Variants in GNA11 observed in about 807,000 individuals in gnomAD.
The protein encoded by GNA11 is guanine nucleotide-binding protein subunit alpha-11.
GNA11 carries 8 observed loss-of-function variants against 38.2 expected under a neutral mutation model. That is an observed-to-expected ratio of 0.21 (90% confidence interval 0.12 to 0.38). The LOEUF is 0.38. GNA11 is among the 10% of genes least tolerant of loss of function. GNA11 has a pLI of 1.00. For missense variants in GNA11, 268 were observed against 516.3 expected (o/e 0.52, Z 4.66); for synonymous variants, 211 against 221.4 (o/e 0.95, Z 0.42).
chr19:3,113,588 C>G, intron 3 of GNA11, 104 bp downstream of exon 3: 1 of 867,150 alleles, frequency 1.2e-6, no homozygotes, highest in Non-Finnish European at 1.7e-6. Context: ...CCCCTGCCTG[C>G]TCGCCGGGGG....
rs1914054038 is a variant in GNA11 at position 3,120,847 on chromosome 19, CG to C, written c.890-141del. 4.9e-6 allele frequency: 3 copies of C among 608,852 alleles called. No individual in the cohort carries two copies. The Admixed American group carries it at 8.8e-5, about 18-fold the overall frequency. The allele number at this position is 608,852 out of a possible 1,614,324, so 37.7% of individuals were successfully genotyped here. On this transcript the variant is annotated intron_variant, in intron 6 of 6. Coordinates refer to ENST00000078429, the MANE Select transcript of GNA11 (RefSeq NM_002067.5). This position sits in a 1 kb window ranked among gnomAD's most constrained non-coding sequence, Gnocchi z 5.9. Reference sequence around the variant, plus strand: ...CTGGGGAGGGAGGGGAGCTGCGGCCCGTCAGGCATGCAGTGGGCTGGGGGTC... The same window carrying C: ...CTGGGGAGGGAGGGGAGCTGCGGCCCTCAGGCATGCAGTGGGCTGGGGGTC...
intron 3 of GNA11, among the ~76,000 whole-genome samples, chr19:3,114,541 A>T (rs1178692017): frequency 6.6e-6 from 1 of 151,884 alleles, no homozygotes; most frequent in South Asian, 2.1e-4. Flanking sequence ...TCTCCTAATG[A>T]TGCGCTTGTT....
chr19:3,103,774 G>A (rs1277921058), intron 1 of GNA11, among the ~76,000 whole-genome samples: 1 of 151,186 alleles, frequency 6.6e-6, no homozygotes, highest in Non-Finnish European at 1.5e-5. Context: ...CACGATCTCA[G>A]CTCACCACAA....
intron 1 of GNA11, among the ~76,000 whole-genome samples, chr19:3,100,679 T>A (rs1913480759): frequency 6.6e-6 from 1 of 152,114 alleles, no homozygotes; most frequent in South Asian, 2.1e-4. Context: ...AGCTTCTTTC[T>A]GAGTCCTGCC....
rs1914018728 is a variant in GNA11, at chr19:3,119,690, G to C, written c.889+331G>C. On this transcript the variant is annotated intron_variant, in intron 6 of 6. Coordinates refer to ENST00000078429, the MANE Select transcript of GNA11 (RefSeq NM_002067.5). This position sits in a 1 kb window ranked among gnomAD's most constrained non-coding sequence, Gnocchi z 4.6. ...CTTGTACAAGGAGGGCACCATGGGA[G>C]GGGGAGTCTTGTATTGGTGGGTCTT... Among the ~76,000 whole-genome samples, 1 of 151,718 alleles carries C rather than the reference G, an allele frequency of 6.6e-6. No homozygotes were observed. The highest frequency in any genetic ancestry group is 2.4e-5 in the African/African-American group (1 of 41,256).
At position 3,119,733 on chromosome 19, in the gene GNA11, C is replaced by T. The variant is rs906812869; in HGVS notation, c.889+374C>T. 1.3e-5 allele frequency among the ~76,000 whole-genome samples: 2 copies of T among 151,020 alleles called. No homozygotes were observed. The highest frequency in any genetic ancestry group is 2.4e-5 in the African/African-American group (1 of 40,996). Reference sequence around the variant, plus strand: ...TGGGTCTTGTACGGGAGGGAGTTGTCGTATGGGGGTGTCCTGTATAGGTGA... The same window carrying T: ...TGGGTCTTGTACGGGAGGGAGTTGTTGTATGGGGGTGTCCTGTATAGGTGA... On this transcript the variant is annotated intron_variant, in intron 6 of 6. Transcript: ENST00000078429. The surrounding 1 kb of genome is among the most constrained non-coding windows in gnomAD (Gnocchi z 4.6).
chr19:3,096,515 G>C (rs569437654), intron 1 of GNA11, among the ~76,000 whole-genome samples: 2 of 152,192 alleles, frequency 1.3e-5, no homozygotes, highest in Non-Finnish European at 2.9e-5. Flanking sequence ...GCATGCACCC[G>C]GTCTTCTGTG....
At chr19:3,109,598 C>G (rs946809038) in intron 1 of GNA11, among the ~76,000 whole-genome samples, 8 of 152,228 alleles carry the variant, frequency 5.3e-5, no homozygotes, top group Non-Finnish European at 1.2e-4. Context: ...GAGGGGAGAG[C>G]CTCGTGGGTG....
chr19:3,115,260 C>T, intron 4 of GNA11, 188 bp downstream of exon 4: 2 of 579,238 alleles, frequency 3.5e-6, no homozygotes, highest in Middle Eastern at 4.8e-4. Context: ...TAAAAATTAG[C>T]TGGGCGTGGT....
chr19:3,113,297 A>G, intron 2 of GNA11, 33 bp from the exon 3 acceptor site: 1 of 1,604,946 alleles, frequency 6.2e-7, no homozygotes, highest in Non-Finnish European at 8.5e-7. Context: ...GGCCCCAGCG[A>G]GCTCTCGACG....
rs764855950 is a variant in GNA11, at chr19:3,115,083, G to T, written c.605+11G>T. 6.2e-7 allele frequency: 1 copy of T among 1,611,180 alleles called. No individual in the cohort carries two copies. Among genetic ancestry groups the T allele is most frequent in the Non-Finnish European group, 8.5e-7 (1 of 1,178,538 alleles). ...GAACATCATCTTCCGGTACCGCCCGGGCCACAGCAGGCGGGGAGGGGGCAC... is the reference window on the plus strand; with the variant it reads ...GAACATCATCTTCCGGTACCGCCCGTGCCACAGCAGGCGGGGAGGGGGCAC... On this transcript the variant is annotated intron_variant, in intron 4 of 6. Transcript: ENST00000078429.
rs308040 is a variant in GNA11, at chr19:3,121,910, C to G, written c.*731C>G. On this transcript the variant is annotated 3_prime_UTR_variant, in exon 7 of 7. Coordinates refer to ENST00000078429, the MANE Select transcript of GNA11 (RefSeq NM_002067.5). ...GTTGAAGAAACACCCTGGGCCCTCT[C>G]TCATGGCCGGGTTCCCCGTCCCTCT... 0.42 allele frequency: 96,822 copies of G among 232,546 alleles called. 21,526 individuals are homozygous for G. The highest frequency in any genetic ancestry group is 0.49 in the Non-Finnish European group (57,706 of 117,626). 14.4% of individuals were successfully genotyped at this position (232,546 alleles called of 1,614,324 possible). A position where few individuals can be genotyped will look rare whatever the true frequency, so the allele number is the denominator to read the frequency against.
intron 1 of GNA11, among the ~76,000 whole-genome samples, chr19:3,101,373 G>T (rs1472397921): frequency 6.6e-6 from 1 of 151,746 alleles, no homozygotes; most frequent in East Asian, 1.9e-4. Context: ...GGCTGTGGTG[G>T]GGCTGGGTCC....
rs759819107 is a variant in GNA11 at position 3,119,396 on chromosome 19, C to A, written c.889+37C>A. 3 of 1,593,798 alleles carry A rather than the reference C, an allele frequency of 1.9e-6. No homozygotes were observed. Among genetic ancestry groups the A allele is most frequent in the Non-Finnish European group, 1.7e-6 (2 of 1,167,364 alleles). ...TGCGGCATGGGGAGGGGCTCGCGGG[C>A]AGGGCCTTACTGGGGGGAGGGGGCT... On this transcript the variant is annotated intron_variant, in intron 6 of 6. Coordinates refer to ENST00000078429, the MANE Select transcript of GNA11 (RefSeq NM_002067.5). The surrounding 1 kb of genome is among the most constrained non-coding windows in gnomAD (Gnocchi z 4.6).
In GNA11 at chr19:3,122,299, G is replaced by C. The variant is rs1372027421; in HGVS notation, c.*1120G>C. 4.3e-6 allele frequency: 1 copy of C among 232,612 alleles called. No homozygotes were observed. The highest frequency in any genetic ancestry group is 8.5e-6 in the Non-Finnish European group (1 of 117,612). 14.4% of individuals were successfully genotyped at this position (232,612 alleles called of 1,614,324 possible). A position where few individuals can be genotyped will look rare whatever the true frequency, so the allele number is the denominator to read the frequency against. ...AGCTCTGTGCGTGGCCTTGTCCCAA[G>C]CACTTGCGCCCGCCCCCGAGCGCCG... is the stretch of plus-strand genomic sequence containing the variant. On this transcript the variant is annotated 3_prime_UTR_variant, in exon 7 of 7. Transcript: ENST00000078429. This position sits in a 1 kb window ranked among gnomAD's most constrained non-coding sequence, Gnocchi z 7.7.
In GNA11 at chr19:3,110,027, G is replaced by A; in HGVS notation, c.137-122G>A. 1.4e-6 allele frequency: 1 copy of A among 706,438 alleles called. No homozygotes were observed. The highest frequency in any genetic ancestry group is 2.4e-6 in the Non-Finnish European group (1 of 422,028). 43.8% of individuals were successfully genotyped at this position (706,438 alleles called of 1,614,324 possible). ...GTGGCGTCTGGTGGAGAGACGGTCA[G>A]CCTCACGTGCCTTGGTTTCCTGTGC... On this transcript the variant is annotated intron_variant, in intron 1 of 6. Coordinates refer to ENST00000078429, the MANE Select transcript of GNA11 (RefSeq NM_002067.5). The surrounding 1 kb of genome is among the most constrained non-coding windows in gnomAD (Gnocchi z 5.4).
In GNA11 at chr19:3,108,860, G is replaced by C. The variant is rs1913697752; in HGVS notation, c.137-1289G>C. Among the ~76,000 whole-genome samples, 1 of 152,130 alleles carries C rather than the reference G, an allele frequency of 6.6e-6. No homozygotes were observed. Among genetic ancestry groups the C allele is most frequent in the South Asian group, 2.1e-4 (1 of 4,822 alleles). ...CTGGAGCTGGAGGAGCCACTCACAA[G>C]TTGGCTCCCTCTAGTGGCTGTTGGT... On this transcript the variant is annotated intron_variant, in intron 1 of 6. Coordinates refer to ENST00000078429, the MANE Select transcript of GNA11 (RefSeq NM_002067.5). This position sits in a 1 kb window ranked among gnomAD's most constrained non-coding sequence, Gnocchi z 4.5.
chr19:3,106,815 G>A (rs1913651265), intron 1 of GNA11, among the ~76,000 whole-genome samples: 1 of 152,256 alleles, frequency 6.6e-6, no homozygotes, highest in African/African-American at 2.4e-5. Flanking sequence ...ATATGTATGT[G>A]TGCATGCCTG....
In GNA11 at chr19:3,121,411, A is replaced by G; in HGVS notation, c.*232A>G. On this transcript the variant is annotated 3_prime_UTR_variant, in exon 7 of 7. Coordinates refer to ENST00000078429, the MANE Select transcript of GNA11 (RefSeq NM_002067.5). ...ACCTTCTCACCTTTTGTCAACGGCA[A>G]AGGCAGCCTTTTTCTGGCCTTGACT... is the stretch of plus-strand genomic sequence containing the variant. 1 of 363,664 alleles carries G rather than the reference A, an allele frequency of 2.7e-6. No individual in the cohort carries two copies. The highest frequency in any genetic ancestry group is 1.2e-4 in the South Asian group (1 of 8,080). The allele number at this position is 363,664 out of a possible 1,614,324, so 22.5% of individuals were successfully genotyped here.
Sources: gnomAD v4.1 joint callset for allele counts (sites outside exome capture counted in the v4.1 genomes callset) on GRCh38, gnomAD v4.1.1 for gene constraint, Gnocchi (gnomAD v3.1) non-coding constraint, MANE v1.5 for transcripts, NCBI Gene and HGNC (gene_info 2026-07-23, HGNC 2026-07-21) for gene names.